CXADR: variants seen among roughly 807,000 people sequenced by gnomAD.
CXADR encodes coxsackievirus and adenovirus receptor.
CXADR carries 20 observed loss-of-function variants against 40.3 expected under a neutral mutation model. That is an observed-to-expected ratio of 0.50 (90% CI 0.35 to 0.72). The LOEUF is 0.72. Among genes scored for constraint, CXADR ranks in the 30% least tolerant of loss-of-function variants. The pLI is 0.01. For synonymous variants in CXADR, 150 were observed against 161.3 expected (o/e 0.93, Z 0.53); for missense variants, 332 against 449.1 (o/e 0.74, Z 2.36).
At chr21:17,592,400 T>G (rs1283904974) in intron 7 of CXADR, among the ~76,000 whole-genome samples, 1 of 41,836 alleles carries the variant, frequency 2.4e-5, no homozygotes, top group Admixed American at 1.9e-4. Flanking sequence ...AAAATTTGTA[T>G]TTTTTTAATT....
At chr21:17,604,233 G>T in the CXADR span, 3 of 560,776 alleles carry the variant, frequency 5.3e-6, no homozygotes, top group African/African-American at 6.4e-5. Flanking sequence ...ACGAGGTCAG[G>T]AGTTTGAGAG....
intron 3 of CXADR, among the ~76,000 whole-genome samples, chr21:17,553,256 ACTC>A (rs1312251625): frequency 6.6e-6 from 1 of 151,878 alleles, no homozygotes; most frequent in African/African-American, 2.4e-5. Context: ...ACACTTAACT[ACTC>A]CTCCTACAAG....
chr21:17,626,555 A>G, the CXADR span, among the ~76,000 whole-genome samples: 1 of 152,234 alleles, frequency 6.6e-6, no homozygotes, highest in Non-Finnish European at 1.5e-5. Context: ...TATACTTTTC[A>G]AAGCCTGACA....
chr21:17,526,037 G>A (rs1200912609), intron 1 of CXADR, among the ~76,000 whole-genome samples: 1 of 152,142 alleles, frequency 6.6e-6, no homozygotes, highest in Non-Finnish European at 1.5e-5. Flanking sequence ...AAAATATTGG[G>A]ATATTAAAAT....
rs77225424 is a variant in CXADR at position 17,567,320 on chromosome 21, G to A, written c.*1628G>A. 1 of 985,208 alleles carries A rather than the reference G, an allele frequency of 1.0e-6. No homozygotes were observed. Among genetic ancestry groups the A allele is most frequent in the Non-Finnish European group, 1.2e-6 (1 of 829,754 alleles). 61.0% of individuals were successfully genotyped at this position (985,208 alleles called of 1,614,324 possible). A position where few individuals can be genotyped will look rare whatever the true frequency, so the allele number is the denominator to read the frequency against. On this transcript the variant is annotated 3_prime_UTR_variant, in exon 7 of 7. Coordinates refer to ENST00000284878, the MANE Select transcript of CXADR (RefSeq NM_001338.5). ...TAAGCTGAATGTGTAATGGATTTGT[G>A]TATAGTTTTACATATTTGGAAGCAT...
At chr21:17,550,389 G>T (rs994497417) in intron 2 of CXADR, among the ~76,000 whole-genome samples, 1 of 151,634 alleles carries the variant, frequency 6.6e-6, no homozygotes, top group African/African-American at 2.4e-5. Context: ...GGTTGGGGTG[G>T]GGTCAGTGTG....
chr21:17,631,023 A>G, the CXADR span, among the ~76,000 whole-genome samples: 1 of 152,180 alleles, frequency 6.6e-6, no homozygotes, highest in Non-Finnish European at 1.5e-5. Flanking sequence ...TGTACTTACC[A>G]AAAAAAGTGA....
At chr21:17,551,574 A>G (rs907707292) in intron 2 of CXADR, among the ~76,000 whole-genome samples, 175 bp from the exon 3 acceptor site, 7 of 151,928 alleles carry the variant, frequency 4.6e-5, no homozygotes, top group Admixed American at 2.6e-4. Context: ...ATTCCTTTCC[A>G]TTTTCTCGTT....
In CXADR at chr21:17,550,302, C is replaced by G. The variant is rs150928288; in HGVS notation, c.211-1447C>G. Among the ~76,000 whole-genome samples, 607 of 143,660 alleles carry G rather than the reference C, an allele frequency of 4.2e-3. 3 individuals carry two copies. The highest frequency in any genetic ancestry group is 0.015 in the African/African-American group (569 of 38,570). The allele number at this position is 143,660 out of a possible 152,430, so 94.2% of individuals were successfully genotyped here. On this transcript the variant is annotated intron_variant, in intron 2 of 6. Transcript: ENST00000284878. ...CCAGGAGGTGGAGGTTGCATTGAGC[C>G]AAGATCGCACCACTGCACTCCTGCC...
intron 2 of CXADR, among the ~76,000 whole-genome samples, chr21:17,549,304 C>G (rs1184976000): frequency 6.6e-6 from 1 of 152,228 alleles, no homozygotes; most frequent in Non-Finnish European, 1.5e-5. Context: ...ATCATTTGCA[C>G]TGTCCTCTGC....
chr21:17,555,672 T>A lies in CXADR; in HGVS notation c.416-3304T>A, dbSNP rs538761318. On this transcript the variant is annotated intron_variant, in intron 3 of 6. Coordinates refer to ENST00000284878, the MANE Select transcript of CXADR (RefSeq NM_001338.5). ...TCTGGGGGCACATGATGTCATGTCT[T>A]ATTGTTAATCGTGATCGCTTGGTTT... is the stretch of plus-strand genomic sequence containing the variant. 8.5e-5 allele frequency among the ~76,000 whole-genome samples: 13 copies of A among 152,312 alleles called. No homozygotes were observed. The South Asian group carries it at 2.5e-3, about 29-fold the overall frequency.
chr21:17,550,001 TTC>T (rs1042711081), intron 2 of CXADR, among the ~76,000 whole-genome samples: 1 of 152,214 alleles, frequency 6.6e-6, no homozygotes, highest in African/African-American at 2.4e-5. Context: ...CGTCAACTAC[TTC>T]TTTTATTTAC....
At chr21:17,611,950 G>A in the CXADR span, 3 of 152,258 alleles carry the variant, frequency 2.0e-5, no homozygotes, top group African/African-American at 7.2e-5. Context: ...TGGCCCGTGG[G>A]GTGAGGAGCC....
downstream of CXADR, chr21:17,593,979 A>G: frequency 8.2e-7 from 1 of 1,226,810 alleles, no homozygotes; most frequent in Non-Finnish European, 1.1e-6. Flanking sequence ...AATAAGTTTG[A>G]TGGTTTGGCC....
the CXADR span, chr21:17,613,114 C>G: frequency 9.9e-5 from 15 of 152,266 alleles, no homozygotes; most frequent in Non-Finnish European, 1.8e-4. Context: ...GGCGCAGACC[C>G]TCGACCGCGA....
intron 1 of CXADR, among the ~76,000 whole-genome samples, chr21:17,538,106 A>G (rs1362688118): frequency 6.6e-6 from 1 of 151,900 alleles, no homozygotes; most frequent in Non-Finnish European, 1.5e-5. Context: ...GGTTCAAGCC[A>G]TTCTCCTGCT....
At chr21:17,583,446 C>T (rs2123386343) in intron 7 of CXADR, among the ~76,000 whole-genome samples, 1 of 152,072 alleles carries the variant, frequency 6.6e-6, no homozygotes, top group Non-Finnish European at 1.5e-5. Context: ...AAAGATATAC[C>T]AAATTTTAAG....
At chr21:17,533,511 T>C (rs963778586) in intron 1 of CXADR, among the ~76,000 whole-genome samples, 46 of 152,336 alleles carry the variant, frequency 3.0e-4, no homozygotes, top group African/African-American at 9.9e-4. Context: ...TCAGTCGGCC[T>C]AGATTTGAAT....
chr21:17,533,928 G>A (rs949824807), intron 1 of CXADR, among the ~76,000 whole-genome samples: 9 of 149,480 alleles, frequency 6.0e-5, no homozygotes, highest in Admixed American at 4.0e-4. Flanking sequence ...AGTAACACTC[G>A]TGGGAATTAA....
Sources: allele counts gnomAD v4.1 joint callset (sites outside exome capture counted in the v4.1 genomes callset), GRCh38; gene constraint gnomAD v4.1.1; transcripts MANE v1.5; gene names NCBI Gene and HGNC (gene_info 2026-07-23, HGNC 2026-07-21).